SHQ1: variants seen among roughly 807,000 people sequenced by gnomAD.
SHQ1 encodes protein SHQ1 homolog.
In SHQ1, 49 loss-of-function variants were observed where a neutral mutation model predicts 53.8. That is an observed-to-expected ratio of 0.91 (90% CI 0.72 to 1.16). The LOEUF (loss-of-function observed/expected upper bound fraction) is 1.16, where lower values mean the gene tolerates loss of function less well. Ranked by LOEUF, SHQ1 falls within the 50% of genes most tolerant of loss-of-function variation. SHQ1 has a pLI of 0.00. For synonymous variants in SHQ1, 243 were observed against 251.0 expected (o/e 0.97, Z 0.30); for missense variants, 738 against 683.1 (o/e 1.08, Z -0.90).
At chr3:72,818,901 A>AT (rs1707394273) in intron 6 of SHQ1, among the ~76,000 whole-genome samples, 1 of 152,188 alleles carries the variant, frequency 6.6e-6, no homozygotes, top group African/African-American at 2.4e-5. Context: ...CCTCAGTTCT[A>AT]TATCTGCAAG....
intron 10 of SHQ1, among the ~76,000 whole-genome samples, chr3:72,778,656 T>C (rs1312835001): frequency 6.6e-6 from 1 of 152,026 alleles, no homozygotes; most frequent in Non-Finnish European, 1.5e-5. Flanking sequence ...AAAAAACACA[T>C]ACAAACGGCA....
intron 10 of SHQ1, among the ~76,000 whole-genome samples, chr3:72,759,225 G>A (rs1184640684): frequency 1.3e-5 from 2 of 152,154 alleles, no homozygotes; most frequent in African/African-American, 4.8e-5. Flanking sequence ...GGTTCTGCAA[G>A]GACATGAAGT....
At chr3:72,815,293 C>T (rs1489675154) in intron 8 of SHQ1, 57 bp downstream of exon 8, 10 of 1,471,266 alleles carry the variant, frequency 6.8e-6, no homozygotes, top group Non-Finnish European at 9.5e-6. Context: ...GATGTAAAAA[C>T]AACAAAAATA....
chr3:72,800,326 A>T (rs1484285674), intron 9 of SHQ1, among the ~76,000 whole-genome samples: 1 of 152,198 alleles, frequency 6.6e-6, no homozygotes, highest in Non-Finnish European at 1.5e-5. Flanking sequence ...ACAGACGTTA[A>T]GTAATTAGGA....
chr3:72,796,651 T>C (rs1350210528), intron 9 of SHQ1, among the ~76,000 whole-genome samples: 1 of 151,156 alleles, frequency 6.6e-6, no homozygotes, highest in Non-Finnish European at 1.5e-5. Context: ...TGAAACCCCA[T>C]CTCTACAACA....
intron 10 of SHQ1, chr3:72,753,782 T>A: frequency 3.6e-6 from 1 of 280,168 alleles, no homozygotes; most frequent in Non-Finnish European, 5.4e-6. Flanking sequence ...AAAGCATAGC[T>A]ATGGAATATG....
intron 6 of SHQ1, among the ~76,000 whole-genome samples, chr3:72,819,946 G>A (rs770485041): frequency 6.6e-6 from 1 of 152,154 alleles, no homozygotes; most frequent in Non-Finnish European, 1.5e-5. Context: ...TAGCAAGAAG[G>A]TTAGAGACAG....
intron 10 of SHQ1, among the ~76,000 whole-genome samples, chr3:72,769,357 C>T (rs1230990818): frequency 1.3e-5 from 2 of 152,166 alleles, no homozygotes; most frequent in Non-Finnish European, 2.9e-5. Flanking sequence ...CACTGAGAGC[C>T]AAAAGTGACC....
chr3:72,832,602 C>A, intron 4 of SHQ1, 121 bp from the exon 5 acceptor site: 1 of 634,642 alleles, frequency 1.6e-6, no homozygotes, highest in African/African-American at 1.8e-5. Context: ...ACCATGATGC[C>A]ACCTGTGACA....
intron 10 of SHQ1, among the ~76,000 whole-genome samples, chr3:72,773,831 C>A (rs1270201155): frequency 1.3e-5 from 2 of 152,154 alleles, no homozygotes; most frequent in Non-Finnish European, 2.9e-5. Context: ...ACCAAAAACC[C>A]AAAAACATCT....
At chr3:72,798,918 T>C (rs941036439) in intron 9 of SHQ1, among the ~76,000 whole-genome samples, 1 of 152,256 alleles carries the variant, frequency 6.6e-6, no homozygotes, top group Non-Finnish European at 1.5e-5. Flanking sequence ...TCTGGGTATC[T>C]ATTCTGCCCT....
chr3:72,737,036 G>A, the SHQ1 span, among the ~76,000 whole-genome samples: 3 of 152,182 alleles, frequency 2.0e-5, no homozygotes, highest in Middle Eastern at 3.4e-3. Flanking sequence ...TTGGGAGGCT[G>A]AGGTGGGTGG....
the SHQ1 span, among the ~76,000 whole-genome samples, chr3:72,734,580 G>C: frequency 6.6e-6 from 1 of 151,560 alleles, no homozygotes; most frequent in African/African-American, 2.4e-5. Context: ...ATTAATAGTA[G>C]TAGTAGTCAT....
At chr3:72,835,954 A>T (rs529023228) in intron 4 of SHQ1, among the ~76,000 whole-genome samples, 1 of 152,314 alleles carries the variant, frequency 6.6e-6, no homozygotes, top group South Asian at 2.1e-4. Context: ...TGTTTACATA[A>T]TTACTGTCCA....
At chr3:72,796,524 A>G (rs554946450) in intron 9 of SHQ1, among the ~76,000 whole-genome samples, 48 of 152,318 alleles carry the variant, frequency 3.2e-4, no homozygotes, top group Middle Eastern at 3.4e-3. Context: ...CAATGAAAAG[A>G]AATGTCAAAT....
chr3:72,840,052 G>A (rs1708120821), intron 4 of SHQ1, among the ~76,000 whole-genome samples: 1 of 151,702 alleles, frequency 6.6e-6, no homozygotes, highest in South Asian at 2.1e-4. Context: ...CACCACATCC[G>A]GCTAATTTGG....
intron 10 of SHQ1, among the ~76,000 whole-genome samples, chr3:72,774,157 A>G (rs1346563794): frequency 6.6e-6 from 1 of 152,266 alleles, no homozygotes; most frequent in Non-Finnish European, 1.5e-5. Flanking sequence ...TTATAAACTA[A>G]TAACACCAAA....
chr3:72,750,653 A>C lies in SHQ1; in HGVS notation c.1365T>G (p.Ser455Arg). Reference sequence around the variant, plus strand: ...CGCTGCTGTCTGAGTCCTCCGAATCACTTGCCTCAGAGCTGGAGCAAAGTG... The same window carrying C: ...CGCTGCTGTCTGAGTCCTCCGAATCCCTTGCCTCAGAGCTGGAGCAAAGTG... ...QQTLCSSSEA[S>R]DSEDSDSSVS... is the part of the protein sequence containing the mutation. The change falls in exon 11 of 11, where the codon AGT (serine) becomes AGG (arginine). Residue 455 changes from serine (S) to arginine (R), a missense_variant. Physicochemically the swap from Ser to Arg is moderately radical, Grantham distance 110. Transcript: ENST00000325599. 6.2e-7 allele frequency: 1 copy of C among 1,613,630 alleles called. No individual in the cohort carries two copies. Among genetic ancestry groups the C allele is most frequent in the South Asian group, 1.1e-5 (1 of 91,030 alleles).
the SHQ1 span, among the ~76,000 whole-genome samples, chr3:72,732,858 G>A: frequency 6.6e-6 from 1 of 151,590 alleles, no homozygotes; most frequent in South Asian, 2.1e-4. Flanking sequence ...CGCCCCCACT[G>A]AGCCCAGCCC....
Sources: gnomAD v4.1 joint callset for allele counts (sites outside exome capture counted in the v4.1 genomes callset) on GRCh38, gnomAD v4.1.1 for gene constraint, MANE v1.5 for transcripts, NCBI Gene and HGNC (gene_info 2026-07-23, HGNC 2026-07-21) for gene names.